CACNA1G: variants seen among roughly 807,000 people sequenced by gnomAD.
CACNA1G encodes the protein calcium voltage-gated channel subunit alpha1 G, also known as voltage-dependent T-type calcium channel subunit alpha-1G.
Under a neutral mutation model 219.4 loss-of-function variants are expected in CACNA1G, and 67 were observed. The ratio of observed to expected loss-of-function variants is 0.31; its 90% CI spans 0.25 to 0.37. CACNA1G has a LOEUF of 0.37. Ranked by LOEUF, CACNA1G falls within the 10% of genes least tolerant of loss-of-function variation. The probability of loss-of-function intolerance (pLI) is 1.00; values close to 1 mark genes in which losing one functional copy is unlikely to be tolerated. For missense variants in CACNA1G, 2,380 were observed against 3,231.4 expected (o/e 0.74, Z 6.39); for synonymous variants, 1,296 against 1,345.3 (o/e 0.96, Z 0.80).
At chr17:50,592,139 T>C (rs1452930997) in intron 13 of CACNA1G, 47 bp downstream of exon 13, 3 of 1,557,410 alleles carry the variant, frequency 1.9e-6, no homozygotes, top group Admixed American at 1.8e-5. Context: ...GCAGTCCCAC[T>C]TCCAATTGGC....
At position 50,618,128 on chromosome 17, in the gene CACNA1G, T is replaced by G; in HGVS notation, c.5305+2T>G. 1 of 1,613,680 alleles carries G rather than the reference T, an allele frequency of 6.2e-7. No homozygotes were observed. Among genetic ancestry groups the G allele is most frequent in the Non-Finnish European group, 8.5e-7 (1 of 1,179,782 alleles). On this transcript the variant is annotated splice_donor_variant, in intron 31 of 37. Transcript: ENST00000359106. LOFTEE classifies it high-confidence loss of function. The surrounding 1 kb of genome is among the most constrained non-coding windows in gnomAD (Gnocchi z 5.3). The stretch of plus-strand genomic sequence containing the variant: ...GCGTGGAGCTCTTTGGAGACCTGGG[T>G]GAGTTGGGGTAGGGGAGGGTGGAGG...
At chr17:50,570,813 G>A (rs1431677660) in intron 4 of CACNA1G, among the ~76,000 whole-genome samples, 1 of 152,190 alleles carries the variant, frequency 6.6e-6, no homozygotes. Flanking sequence ...AAGCTGAAGG[G>A]GGATGGGGTA....
chr17:50,586,833 G>T (rs1159919038), intron 9 of CACNA1G, among the ~76,000 whole-genome samples: 2 of 152,252 alleles, frequency 1.3e-5, no homozygotes, highest in Non-Finnish European at 2.9e-5. Context: ...GAGCCCCGGT[G>T]CTGGGAAGTA....
rs753614584 is a variant in CACNA1G, at chr17:50,618,258, G to A, written c.5342G>A (p.Arg1781His). The change falls in exon 32 of 38, where the codon CGT (arginine) becomes CAT (histidine). Residue 1781 changes from arginine (R) to histidine (H), a missense_variant. By Grantham distance (29) the Arg-to-His change is conservative. Coordinates refer to ENST00000359106, the MANE Select transcript of CACNA1G (RefSeq NM_018896.5). This position sits in a 1 kb window ranked among gnomAD's most constrained non-coding sequence, Gnocchi z 5.3. ...DETHPCEGLG[R>H]HATFRNFGMA... is the part of the protein sequence containing the mutation. ...ACACACCCCTGTGAGGGCCTGGGCC[G>A]TCATGCCACCTTTCGGAACTTTGGC... The A allele has an allele frequency of 8.7e-6, 14 of 1,613,642 alleles. No homozygotes were observed. The highest frequency in any genetic ancestry group is 6.6e-5 in the South Asian group (6 of 91,086).
Position 50,617,655 on chromosome 17 carries a change from G to C in CACNA1G, c.5155+84G>C. The stretch of plus-strand genomic sequence containing the variant: ...AAGGGTCGGCTTTGTGGCTGGTCAA[G>C]GCCTGGGCGGCTGTGGGTTCCCATG... On this transcript the variant is annotated intron_variant, in intron 29 of 37. Coordinates refer to ENST00000359106, the MANE Select transcript of CACNA1G (RefSeq NM_018896.5). This position sits in a 1 kb window ranked among gnomAD's most constrained non-coding sequence, Gnocchi z 5.8. 2.6e-6 allele frequency: 4 copies of C among 1,532,536 alleles called. No homozygotes were observed. The highest frequency in any genetic ancestry group is 3.5e-6 in the Non-Finnish European group (4 of 1,130,374). 94.9% of individuals were successfully genotyped at this position (1,532,536 alleles called of 1,614,324 possible). A position where few individuals can be genotyped will look rare whatever the true frequency, so the allele number is the denominator to read the frequency against.
At position 50,621,025 on chromosome 17, in the gene CACNA1G, CTAACGGG is replaced by C. The variant is rs2051771621; in HGVS notation, c.5926-634_5926-628del. On this transcript the variant is annotated intron_variant, in intron 34 of 37. Coordinates refer to ENST00000359106, the MANE Select transcript of CACNA1G (RefSeq NM_018896.5). The surrounding 1 kb of genome is among the most constrained non-coding windows in gnomAD (Gnocchi z 4.6). ...CCCACCCGAGTGCGCCCACTTCAGG[CTAACGGG>C]AGAACATCTCCCAGAGCCCAAGTTG... 6.6e-6 allele frequency among the ~76,000 whole-genome samples: 1 copy of C among 152,192 alleles called. No homozygotes were observed. Among genetic ancestry groups the C allele is most frequent in the African/African-American group, 2.4e-5 (1 of 41,458 alleles).
At chr17:50,594,966 C>T (rs751185799) in intron 13 of CACNA1G, 27 bp from the exon 14 acceptor site, 42 of 1,546,008 alleles carry the variant, frequency 2.7e-5, no homozygotes, top group Non-Finnish European at 1.5e-5. Flanking sequence ...ACCAGCAGCC[C>T]TCCCCTGCCT....
chr17:50,600,858 C>A lies in CACNA1G; in HGVS notation c.3791+32C>A. ...GACAGGGCAGGGGTCTGACCTGTGT[C>A]CCGACCTCTTCTTCTCACGGGAAAT... On this transcript the variant is annotated intron_variant, in intron 18 of 37. Coordinates refer to ENST00000359106, the MANE Select transcript of CACNA1G (RefSeq NM_018896.5). The surrounding 1 kb of genome is among the most constrained non-coding windows in gnomAD (Gnocchi z 4.1). 1 of 1,592,622 alleles carries A rather than the reference C, an allele frequency of 6.3e-7. No individual in the cohort carries two copies. The highest frequency in any genetic ancestry group is 1.1e-5 in the South Asian group (1 of 90,610).
intron 26 of CACNA1G, among the ~76,000 whole-genome samples, chr17:50,613,218 T>A (rs1598667666): frequency 6.6e-6 from 1 of 152,152 alleles, no homozygotes; most frequent in Non-Finnish European, 1.5e-5. Flanking sequence ...ATTCTCTCCC[T>A]CTGAAAAACA....
At chr17:50,583,781 T>A (rs2042445939) in intron 9 of CACNA1G, among the ~76,000 whole-genome samples, 1 of 152,264 alleles carries the variant, frequency 6.6e-6, no homozygotes, top group Admixed American at 6.5e-5. Context: ...TTTTCCTCCC[T>A]GCCCTGGCCC....
In CACNA1G at chr17:50,599,867, C is replaced by A. The variant is rs760478895; in HGVS notation, c.3690+8C>A. Reference sequence around the variant, plus strand: ...GATGACGAGGGCAACCTGGTGAGGCCCCTGTGGGCACAGTGACCCCTCACC... The same window carrying A: ...GATGACGAGGGCAACCTGGTGAGGCACCTGTGGGCACAGTGACCCCTCACC... On this transcript the variant is annotated splice_region_variant and intron_variant, in intron 17 of 37. Coordinates refer to ENST00000359106, the MANE Select transcript of CACNA1G (RefSeq NM_018896.5). 4.4e-6 allele frequency: 7 copies of A among 1,601,426 alleles called. No homozygotes were observed. The African/African-American group carries it at 9.3e-5, about 21-fold the overall frequency.
chr17:50,565,123 ACGCG>A (rs949882031), intron 1 of CACNA1G, among the ~76,000 whole-genome samples: 3 of 130,296 alleles, frequency 2.3e-5, no homozygotes, highest in African/African-American at 1.0e-4. Context: ...AGACATGCGC[ACGCG>A]CGCGCACACA....
At chr17:50,563,049 T>C (rs778000255) in intron 1 of CACNA1G, among the ~76,000 whole-genome samples, 2 of 152,166 alleles carry the variant, frequency 1.3e-5, no homozygotes, top group Non-Finnish European at 1.5e-5. Context: ...ACCCCAGGTC[T>C]CCCTTGTAGC....
chr17:50,575,785 G>C lies in CACNA1G; in HGVS notation c.1383G>C (p.Arg461=). 2 of 1,554,294 alleles carry C rather than the reference G, an allele frequency of 1.3e-6. No homozygotes were observed. Among genetic ancestry groups the C allele is most frequent in the East Asian group, 4.9e-5 (2 of 41,110 alleles). The change falls in exon 8 of 38, where the codon CGG becomes CGC. Residue 461 remains arginine (R), a synonymous_variant. Transcript: ENST00000359106. Reference sequence around the variant, plus strand: ...AGGTCTCTCGGGCAGCAGGTGTGCGGGTTGGGCTGCTCAGCAGCCCAGCAC... The same window carrying C: ...AGGTCTCTCGGGCAGCAGGTGTGCGCGTTGGGCTGCTCAGCAGCCCAGCAC... The part of the protein sequence containing the change: ...LAQVSRAAGV[R]VGLLSSPAPL...
rs2040638430 is a variant in CACNA1G, at chr17:50,576,342, GGAGGCAT to G, written c.1924+18_1924+24del. 2 of 1,560,092 alleles carry G rather than the reference GGAGGCAT, an allele frequency of 1.3e-6. No homozygotes were observed. The highest frequency in any genetic ancestry group is 1.7e-6 in the Non-Finnish European group (2 of 1,152,126). ...CAGAGTACAGGTGAGAACTCTGGGT[GGAGGCAT>G]GTGGGTGCCCTCGTCTGGGGACTGG... On this transcript the variant is annotated intron_variant, in intron 8 of 37. Transcript: ENST00000359106.
Position 50,569,797 on chromosome 17 carries a change from G to C in CACNA1G, c.580G>C (p.Val194Leu). The change falls in exon 4 of 38, where the codon GTG becomes CTG. Residue 194 changes from valine to leucine, a missense_variant. Coordinates refer to ENST00000359106, the MANE Select transcript of CACNA1G (RefSeq NM_018896.5). ...VLRPLRAINR[V>L]PSMRILVTLL... ...GCGACCGCTCAGGGCCATTAACCGG[G>C]TGCCCAGTGAGTGACCCCTCAGCCC... 1 of 1,549,874 alleles carries C rather than the reference G, an allele frequency of 6.5e-7. No individual in the cohort carries two copies. Among genetic ancestry groups the C allele is most frequent in the Non-Finnish European group, 8.7e-7 (1 of 1,146,636 alleles).
intron 1 of CACNA1G, 57 bp downstream of exon 1, chr17:50,561,758 G>T (rs2035664934): frequency 6.9e-7 from 1 of 1,442,024 alleles, no homozygotes; most frequent in Admixed American, 2.2e-5. Context: ...GGGCCGCACC[G>T]CCGGGGGTCG....
At chr17:50,564,258 G>C (rs2036999664) in intron 1 of CACNA1G, among the ~76,000 whole-genome samples, 1 of 151,746 alleles carries the variant, frequency 6.6e-6, no homozygotes, top group Admixed American at 6.6e-5. Flanking sequence ...GATCAGAGGG[G>C]AGCATGCTGG....
chr17:50,568,825 G>T, intron 1 of CACNA1G, 45 bp from the exon 2 acceptor site: 1 of 1,523,276 alleles, frequency 6.6e-7, no homozygotes. Flanking sequence ...CGGGGGGCCG[G>T]CCTCAGCTCC....
Sources: gnomAD v4.1 joint callset for allele counts (sites outside exome capture counted in the v4.1 genomes callset) on GRCh38, gnomAD v4.1.1 for gene constraint, Gnocchi (gnomAD v3.1) non-coding constraint, MANE v1.5 for transcripts, NCBI Gene and HGNC (gene_info 2026-07-23, HGNC 2026-07-21) for gene names.